The following UBE4B variants were observed in gnomAD, a reference collection of about 807,000 sequenced individuals.
UBE4B encodes the protein ubiquitination factor E4B.
A neutral mutation model predicts 148.1 loss-of-function variants in UBE4B; 27 were observed. That is an observed-to-expected ratio of 0.18 (90% CI 0.13 to 0.25). The LOEUF is 0.25. Ranked by LOEUF, UBE4B falls within the 10% of genes least tolerant of loss-of-function variation. The pLI is 1.00. For missense variants in UBE4B, 1,170 were observed against 1,662.4 expected (o/e 0.70, Z 5.15); for synonymous variants, 596 against 619.3 (o/e 0.96, Z 0.56).
At chr1:10,092,280 C>T (rs1005151851) in intron 2 of UBE4B, among the ~76,000 whole-genome samples, 5 of 151,886 alleles carry the variant, frequency 3.3e-5, no homozygotes, top group South Asian at 2.1e-4. Flanking sequence ...GCCGGAGTGC[C>T]GTGGCACGAT....
rs1643378160 is a variant in UBE4B, at chr1:10,033,463, T to C, written c.-208T>C. ...CTCAGGGAACAAGCGGCTGTAGTAG[T>C]CTGTGGGGCGACTGGAGTGACCGAA... On this transcript the variant is annotated 5_prime_UTR_variant, in exon 1 of 28. Coordinates refer to ENST00000343090, the MANE Select transcript of UBE4B (RefSeq NM_001105562.3). The C allele has an allele frequency of 9.3e-6, 4 of 431,932 alleles. No individual in the cohort carries two copies. Among genetic ancestry groups the C allele is most frequent in the Non-Finnish European group, 4.0e-6 (1 of 248,916 alleles). 26.8% of individuals were successfully genotyped at this position (431,932 alleles called of 1,614,324 possible). A position where few individuals can be genotyped will look rare whatever the true frequency, so the allele number is the denominator to read the frequency against.
At chr1:10,111,244 AC>A (rs1645215740) in intron 7 of UBE4B, among the ~76,000 whole-genome samples, 1 of 151,372 alleles carries the variant, frequency 6.6e-6, no homozygotes, top group East Asian at 1.9e-4. Context: ...CTACACACAC[AC>A]CCCCACACCA....
chr1:10,117,871 G>A (rs1283986825), intron 8 of UBE4B, among the ~76,000 whole-genome samples: 5 of 152,120 alleles, frequency 3.3e-5, no homozygotes, highest in African/African-American at 1.2e-4. Context: ...ACTGTAGCTC[G>A]GTACCGCCAG....
At chr1:10,149,331 A>G in intron 20 of UBE4B, 49 bp downstream of exon 20, 3 of 1,395,184 alleles carry the variant, frequency 2.2e-6, no homozygotes, top group East Asian at 2.4e-5. Flanking sequence ...TTTATGCATA[A>G]TAGTATAATA....
chr1:10,165,027 G>A (rs1234665033), intron 23 of UBE4B, among the ~76,000 whole-genome samples: 1 of 152,054 alleles, frequency 6.6e-6, no homozygotes, highest in Non-Finnish European at 1.5e-5. Context: ...GTCCCCCGGT[G>A]AACATCACTG....
At chr1:10,167,751 C>T (rs923175172) in intron 23 of UBE4B, among the ~76,000 whole-genome samples, 1 of 152,022 alleles carries the variant, frequency 6.6e-6, no homozygotes. Context: ...CACCACCACC[C>T]CCAGCTAATT....
At chr1:10,124,905 C>A (rs944946842) in intron 10 of UBE4B, among the ~76,000 whole-genome samples, 1 of 151,958 alleles carries the variant, frequency 6.6e-6, no homozygotes, top group Non-Finnish European at 1.5e-5. Context: ...GCAGGTGGAT[C>A]GCCTGAGCTC....
chr1:10,067,477 G>T (rs1644409595), intron 1 of UBE4B, among the ~76,000 whole-genome samples: 1 of 152,064 alleles, frequency 6.6e-6, no homozygotes, highest in African/African-American at 2.4e-5. Flanking sequence ...TTGGGTTAAT[G>T]TTAAAAAAGT....
chr1:10,093,178 G>A (rs61782902), intron 2 of UBE4B, among the ~76,000 whole-genome samples: 3,089 of 152,156 alleles, frequency 0.02, 84 homozygotes, highest in African/African-American at 0.07. Flanking sequence ...TTTAAAGCCT[G>A]CTTATTTACT....
At chr1:10,047,037 G>A (rs1421363694) in intron 1 of UBE4B, among the ~76,000 whole-genome samples, 2 of 152,084 alleles carry the variant, frequency 1.3e-5, no homozygotes, top group African/African-American at 4.8e-5. Flanking sequence ...AAGATATCAC[G>A]GGTTTTGCCA....
At chr1:10,090,138 T>C in intron 2 of UBE4B, among the ~76,000 whole-genome samples, 1 of 151,616 alleles carries the variant, frequency 6.6e-6, no homozygotes. Context: ...TTTTTTTTTT[T>C]AGGCATGGTT....
intron 17 of UBE4B, among the ~76,000 whole-genome samples, chr1:10,144,018 G>C (rs1185691577): frequency 6.6e-6 from 1 of 152,200 alleles, no homozygotes; most frequent in Non-Finnish European, 1.5e-5. Context: ...AGCTTTTGGA[G>C]ATTTAGCAGC....
At chr1:10,052,208 A>G (rs1190711243) in intron 1 of UBE4B, among the ~76,000 whole-genome samples, 2 of 151,756 alleles carry the variant, frequency 1.3e-5, no homozygotes, top group African/African-American at 2.4e-5. Context: ...CTGGGACTAT[A>G]GGTGCATGCC....
chr1:10,137,459 TC>T (rs772495937), intron 17 of UBE4B, among the ~76,000 whole-genome samples: 2 of 152,146 alleles, frequency 1.3e-5, no homozygotes, highest in African/African-American at 4.8e-5. Context: ...ACTACAGACT[TC>T]CATTAACTTT....
At chr1:10,083,728 T>C (rs1644720258) in intron 2 of UBE4B, among the ~76,000 whole-genome samples, 1 of 152,130 alleles carries the variant, frequency 6.6e-6, no homozygotes, top group African/African-American at 2.4e-5. Context: ...TAGAAGAGGT[T>C]GAAATCCTTT....
chr1:10,047,757 G>A (rs1274548677), intron 1 of UBE4B, among the ~76,000 whole-genome samples: 1 of 152,168 alleles, frequency 6.6e-6, no homozygotes, highest in African/African-American at 2.4e-5. Context: ...CTCCCAGAGT[G>A]CTGGGATTAC....
intron 21 of UBE4B, 91 bp downstream of exon 21, chr1:10,151,652 C>A (rs1200041315): frequency 8.3e-6 from 9 of 1,084,890 alleles, no homozygotes; most frequent in African/African-American, 1.6e-5. Flanking sequence ...AAGCCTGTTA[C>A]CTAATATCCT....
At chr1:10,107,576 C>CTTTTTTT (rs60975850) in intron 7 of UBE4B, among the ~76,000 whole-genome samples, 3 of 128,288 alleles carry the variant, frequency 2.3e-5, no homozygotes, top group Non-Finnish European at 3.2e-5. Flanking sequence ...TTCTTTCTTT[C>CTTTTTTT]TTTTTTTTTT....
At chr1:10,057,805 T>C (rs1411595036) in intron 1 of UBE4B, among the ~76,000 whole-genome samples, 1 of 151,622 alleles carries the variant, frequency 6.6e-6, no homozygotes, top group Non-Finnish European at 1.5e-5. Context: ...CCTTTGTAAG[T>C]ATTTTGTGCT....
Sources: allele counts gnomAD v4.1 joint callset (sites outside exome capture counted in the v4.1 genomes callset), GRCh38; gene constraint gnomAD v4.1.1; transcripts MANE v1.5; gene names NCBI Gene and HGNC (gene_info 2026-07-23, HGNC 2026-07-21).